SORCS1: variants seen among roughly 807,000 people sequenced by gnomAD.
SORCS1 encodes the protein VPS10 domain-containing receptor SorCS1.
In SORCS1, 60 loss-of-function variants were observed where a neutral mutation model predicts 146.1. That is an observed-to-expected ratio of 0.41 (90% CI 0.33 to 0.51). The LOEUF (loss-of-function observed/expected upper bound fraction) is 0.51, where lower values mean the gene tolerates loss of function less well. Ranked by LOEUF, SORCS1 falls within the 20% of genes least tolerant of loss-of-function variation. The probability of loss-of-function intolerance (pLI) is 0.21; values close to 1 mark genes in which losing one functional copy is unlikely to be tolerated. For missense variants in SORCS1, 1,352 were observed against 1,487.6 expected (o/e 0.91, Z 1.50); for synonymous variants, 637 against 584.0 (o/e 1.09, Z -1.31).
At chr10:106,921,332 A>G (rs1300141957) in intron 2 of SORCS1, among the ~76,000 whole-genome samples, 2 of 152,220 alleles carry the variant, frequency 1.3e-5, no homozygotes, top group Non-Finnish European at 2.9e-5. Context: ...TACAAGACCT[A>G]CAGAATGCCT....
chr10:107,151,285 G>A (rs1436441739), intron 1 of SORCS1, among the ~76,000 whole-genome samples: 1 of 152,178 alleles, frequency 6.6e-6, no homozygotes, highest in Non-Finnish European at 1.5e-5. Context: ...CATGGACAAT[G>A]AAGCCCAGTC....
At chr10:106,741,313 G>A (rs1564919181) in intron 5 of SORCS1, among the ~76,000 whole-genome samples, 1 of 152,124 alleles carries the variant, frequency 6.6e-6, no homozygotes, top group Non-Finnish European at 1.5e-5. Flanking sequence ...AAAAGATAAG[G>A]AGAAGCCAGA....
At chr10:106,931,679 T>C (rs958084432) in intron 2 of SORCS1, among the ~76,000 whole-genome samples, 3 of 152,186 alleles carry the variant, frequency 2.0e-5, no homozygotes, top group African/African-American at 7.2e-5. Context: ...TCAAGAATGA[T>C]TTTGGTTTAA....
At chr10:107,028,941 A>T (rs1958524783) in intron 1 of SORCS1, among the ~76,000 whole-genome samples, 1 of 152,202 alleles carries the variant, frequency 6.6e-6, no homozygotes, top group South Asian at 2.1e-4. Context: ...GGACTAGACA[A>T]TCTCTCGGGT....
intron 2 of SORCS1, among the ~76,000 whole-genome samples, chr10:106,896,428 C>CAAAA (rs781084783): frequency 1.8e-5 from 1 of 57,106 alleles, no homozygotes. Context: ...GACTTTGTCT[C>CAAAA]AAAAAAAAAA....
chr10:106,713,124 T>A (rs1349723973), intron 6 of SORCS1, among the ~76,000 whole-genome samples: 1 of 152,208 alleles, frequency 6.6e-6, no homozygotes, highest in Admixed American at 6.5e-5. Flanking sequence ...AGGTTTCTGG[T>A]TGCCCAAAGG....
chr10:106,753,494 C>T (rs1858409756), intron 5 of SORCS1, among the ~76,000 whole-genome samples: 1 of 151,928 alleles, frequency 6.6e-6, no homozygotes, highest in Admixed American at 6.6e-5. Context: ...TTCAACAAGG[C>T]CTTGAGAATG....
Position 106,597,379 on chromosome 10 carries a change from G to A in SORCS1, c.3237C>T (p.Val1079=). 1 of 1,614,012 alleles carries A rather than the reference G, an allele frequency of 6.2e-7. No individual in the cohort carries two copies. The highest frequency in any genetic ancestry group is 8.5e-7 in the Non-Finnish European group (1 of 1,179,902). Residue 1079 remains valine (V), a synonymous_variant, in exon 24 of 26, where the codon GTC becomes GTT. Coordinates refer to ENST00000263054, the MANE Select transcript of SORCS1 (RefSeq NM_052918.5). The stretch of plus-strand genomic sequence containing the variant: ...CTGTTAAGTGAGCAGCATGGACAAG[G>A]ACTCGGACTCCTGGCTTCAGCTCGA... ...VHFELKPGVR[V]LVHAAHLTAA...
intron 3 of SORCS1, among the ~76,000 whole-genome samples, chr10:106,787,190 G>T (rs1946096351): frequency 6.6e-6 from 1 of 152,146 alleles, no homozygotes; most frequent in African/African-American, 2.4e-5. Flanking sequence ...GGTTTCTTAA[G>T]AGCAAAGTAG....
In SORCS1 at chr10:106,890,814, T is replaced by A. The variant is rs865944250; in HGVS notation, c.627-61141A>T. On this transcript the variant is annotated intron_variant, in intron 2 of 25. Transcript: ENST00000263054. ...TGGTTTTACATTTATATACATACAT[T>A]TTTTTTTTTTTAACTGGGAAATCAT... 9.1e-3 allele frequency among the ~76,000 whole-genome samples: 376 copies of A among 41,278 alleles called. 2 individuals carry two copies. The highest frequency in any genetic ancestry group is 0.012 in the Non-Finnish European group (282 of 23,136). 27.1% of individuals were successfully genotyped at this position (41,278 alleles called of 152,430 possible). A position where few individuals can be genotyped will look rare whatever the true frequency, so the allele number is the denominator to read the frequency against.
chr10:107,059,183 C>T (rs1256526388), intron 1 of SORCS1, among the ~76,000 whole-genome samples: 2 of 152,058 alleles, frequency 1.3e-5, no homozygotes, highest in African/African-American at 4.8e-5. Flanking sequence ...TCACTAGAAC[C>T]TAGGGTTACA....
chr10:107,168,405 T>G (rs1970097111), upstream of SORCS1, among the ~76,000 whole-genome samples: 1 of 152,250 alleles, frequency 6.6e-6, no homozygotes, highest in Non-Finnish European at 1.5e-5. Context: ...ACCTGTTTTT[T>G]GTTAATAACT....
intron 4 of SORCS1, among the ~76,000 whole-genome samples, chr10:106,770,548 CA>C (rs1230639540): frequency 6.0e-5 from 9 of 149,136 alleles, no homozygotes; most frequent in African/African-American, 2.2e-4. Context: ...CAAAGAAAAA[CA>C]AAGATAATGG....
At chr10:106,756,999 C>T (rs568461886) in intron 5 of SORCS1, among the ~76,000 whole-genome samples, 64 of 152,242 alleles carry the variant, frequency 4.2e-4, no homozygotes, top group African/African-American at 1.5e-3. Context: ...TTGGCTGCAG[C>T]ACCTGATTAA....
At chr10:106,748,430 C>A (rs1487566581) in intron 5 of SORCS1, among the ~76,000 whole-genome samples, 1 of 152,060 alleles carries the variant, frequency 6.6e-6, no homozygotes, top group African/African-American at 2.4e-5. Flanking sequence ...AACTTAATTG[C>A]AAACTTAATG....
intron 5 of SORCS1, among the ~76,000 whole-genome samples, chr10:106,758,002 C>T (rs1858784140): frequency 6.6e-6 from 1 of 152,164 alleles, no homozygotes; most frequent in Non-Finnish European, 1.5e-5. Flanking sequence ...GCTTGTTGCA[C>T]TACTAAGACG....
chr10:106,953,448 T>C (rs1954795026), intron 2 of SORCS1, among the ~76,000 whole-genome samples: 2 of 152,138 alleles, frequency 1.3e-5, no homozygotes, highest in Admixed American at 6.6e-5. Flanking sequence ...TTTAAATTTT[T>C]TTCCCCCAAC....
At chr10:106,763,970 A>G (rs953961041) in intron 4 of SORCS1, among the ~76,000 whole-genome samples, 2 of 152,238 alleles carry the variant, frequency 1.3e-5, no homozygotes, top group African/African-American at 2.4e-5. Context: ...TAAAGGAAAA[A>G]GATAATGATT....
At chr10:106,967,533 A>C (rs965665042) in intron 1 of SORCS1, among the ~76,000 whole-genome samples, 2 of 152,212 alleles carry the variant, frequency 1.3e-5, no homozygotes, top group Non-Finnish European at 2.9e-5. Flanking sequence ...TAGAAAAATG[A>C]AACAGGCCTA....
Sources: gnomAD v4.1 joint callset for allele counts (sites outside exome capture counted in the v4.1 genomes callset) on GRCh38, gnomAD v4.1.1 for gene constraint, MANE v1.5 for transcripts, NCBI Gene and HGNC (gene_info 2026-07-23, HGNC 2026-07-21) for gene names.